Variants in MYO3A observed in about 807,000 individuals in gnomAD.
MYO3A encodes the protein myosin IIIA.
A neutral mutation model predicts 192.7 loss-of-function variants in MYO3A; 180 were observed. The ratio of observed to expected loss-of-function variants is 0.93; its 90% CI spans 0.83 to 1.06. MYO3A has a LOEUF of 1.06. Among genes scored for constraint, MYO3A ranks in the 50% least tolerant of loss-of-function variants. The pLI, the probability that MYO3A is intolerant of heterozygous loss-of-function variation, is 0.00. For missense variants in MYO3A, 1,896 were observed against 1,905.0 expected, an observed-to-expected ratio of 1.00 and a Z score of 0.09; for synonymous variants, 628 against 645.3, an observed-to-expected ratio of 0.97 and a Z score of 0.41.
At chr10:26,095,989 G>A (rs1268449113) in intron 15 of MYO3A, among the ~76,000 whole-genome samples, 1 of 152,008 alleles carries the variant, frequency 6.6e-6, no homozygotes, top group Non-Finnish European at 1.5e-5. Flanking sequence ...CTTATGGTGG[G>A]TTAATGAGAC....
At chr10:26,161,299 C>A (rs1841475294) in intron 26 of MYO3A, among the ~76,000 whole-genome samples, 1 of 152,238 alleles carries the variant, frequency 6.6e-6, no homozygotes, top group Non-Finnish European at 1.5e-5. Context: ...ATAAATTCTT[C>A]TGTTCTATAA....
At chr10:26,195,762 C>T in intron 32 of MYO3A, among the ~76,000 whole-genome samples, 1 of 152,208 alleles carries the variant, frequency 6.6e-6, no homozygotes, top group East Asian at 1.9e-4. Flanking sequence ...GCCTAGATGT[C>T]TTTTTCTTCA....
chr10:26,103,374 C>G (rs1038453178), intron 17 of MYO3A, among the ~76,000 whole-genome samples: 1 of 152,216 alleles, frequency 6.6e-6, no homozygotes, highest in African/African-American at 2.4e-5. Flanking sequence ...AGCTCACACT[C>G]CGTGGGCTGC....
chr10:26,004,508 T>C (rs1329359545), intron 6 of MYO3A, among the ~76,000 whole-genome samples: 1 of 152,056 alleles, frequency 6.6e-6, no homozygotes, highest in Non-Finnish European at 1.5e-5. Context: ...ACATATTACC[T>C]AGCTAATTCC....
chr10:26,132,406 C>T (rs1319908521), intron 20 of MYO3A, among the ~76,000 whole-genome samples: 3 of 152,160 alleles, frequency 2.0e-5, no homozygotes, highest in African/African-American at 7.2e-5. Flanking sequence ...AAAAGAAATG[C>T]TCCCTGCTCC....
rs1002309139 is a variant in MYO3A, at chr10:26,069,337, C to T, written c.1170+453C>T. Among the ~76,000 whole-genome samples, 6 of 152,088 alleles carry T rather than the reference C, an allele frequency of 3.9e-5. No homozygotes were observed. In the East Asian group the frequency reaches 5.8e-4, roughly 15 times the overall value. ...AAAATTCCTTTTGATGTATTATTGGCTTCATTAATATCACAAACATGTTTT... is the reference window on the plus strand; with the variant it reads ...AAAATTCCTTTTGATGTATTATTGGTTTCATTAATATCACAAACATGTTTT... On this transcript the variant is annotated intron_variant, in intron 12 of 34. Coordinates refer to ENST00000642920, the MANE Select transcript of MYO3A (RefSeq NM_017433.5).
chr10:25,941,356 T>C (rs1836473417), intron 2 of MYO3A, among the ~76,000 whole-genome samples: 1 of 152,168 alleles, frequency 6.6e-6, no homozygotes, highest in Admixed American at 6.5e-5. Flanking sequence ...ATATTTTGAT[T>C]TCTCCTTTCT....
At chr10:26,123,981 C>T (rs1272203179) in intron 18 of MYO3A, among the ~76,000 whole-genome samples, 3 of 151,722 alleles carry the variant, frequency 2.0e-5, no homozygotes, top group African/African-American at 7.3e-5. Flanking sequence ...CCCAGGAGTT[C>T]GAGGCCAGCC....
At chr10:26,125,704 T>C (rs1839181760) in intron 19 of MYO3A, 96 bp downstream of exon 19, 2 of 1,049,394 alleles carry the variant, frequency 1.9e-6, no homozygotes, top group Non-Finnish European at 2.9e-6. Context: ...TTCAAGATGT[T>C]TCTATAATTG....
At chr10:26,023,879 T>C in intron 8 of MYO3A, 143 bp from the exon 9 acceptor site, 5 of 771,128 alleles carry the variant, frequency 6.5e-6, no homozygotes, top group Admixed American at 1.8e-5. Context: ...AGTAATGATT[T>C]ATCTGTCTTG....
Position 26,193,597 on chromosome 10 carries a change from G to A in MYO3A, c.4545+286G>A, listed in dbSNP as rs1589112035. Among the ~76,000 whole-genome samples the A allele has an allele frequency of 2.0e-5, 3 of 152,174 alleles. No homozygotes were observed. In the South Asian group the frequency reaches 6.2e-4, roughly 32 times the overall value. On this transcript the variant is annotated intron_variant, in intron 32 of 34. Transcript: ENST00000642920. ...GAGCTGATATGAAAATATCAACTCA[G>A]AAAGAGAAACCCATCATAGCAGGAG...
intron 31 of MYO3A, 102 bp downstream of exon 31, chr10:26,176,947 G>C: frequency 7.3e-7 from 1 of 1,365,078 alleles, no homozygotes; most frequent in South Asian, 1.2e-5. Flanking sequence ...TGAGGAGCCT[G>C]TGTCCTGTCT....
chr10:26,116,160 A>G (rs1838490130), intron 17 of MYO3A, among the ~76,000 whole-genome samples: 1 of 152,164 alleles, frequency 6.6e-6, no homozygotes, highest in Non-Finnish European at 1.5e-5. Flanking sequence ...AGCTTAAACC[A>G]CAGAAGTTTA....
At chr10:26,016,252 G>A (rs1016410277) in intron 6 of MYO3A, among the ~76,000 whole-genome samples, 1 of 152,152 alleles carries the variant, frequency 6.6e-6, no homozygotes, top group Non-Finnish European at 1.5e-5. Flanking sequence ...AAGAGAACTC[G>A]TTCTGTTAAT....
At chr10:25,965,801 C>T (rs2130687878) in intron 4 of MYO3A, among the ~76,000 whole-genome samples, 1 of 152,138 alleles carries the variant, frequency 6.6e-6, no homozygotes, top group South Asian at 2.1e-4. Flanking sequence ...TGAGCTTGCC[C>T]TACTTTTCCT....
At chr10:25,940,811 A>G (rs1836441308) in intron 2 of MYO3A, among the ~76,000 whole-genome samples, 1 of 152,150 alleles carries the variant, frequency 6.6e-6, no homozygotes, top group Non-Finnish European at 1.5e-5. Context: ...CTCTGTATGT[A>G]ATAACTCTTT....
chr10:26,067,604 T>C (rs773213635), intron 11 of MYO3A, among the ~76,000 whole-genome samples: 2 of 152,176 alleles, frequency 1.3e-5, no homozygotes, highest in Non-Finnish European at 2.9e-5. Flanking sequence ...AAACCCTTGT[T>C]TCACACAGCT....
intron 10 of MYO3A, among the ~76,000 whole-genome samples, chr10:26,050,854 G>A (rs1843954429): frequency 6.6e-6 from 1 of 152,106 alleles, no homozygotes; most frequent in Non-Finnish European, 1.5e-5. Flanking sequence ...GGTAGATGTT[G>A]CTTAAAATTT....
chr10:25,982,348 C>G (rs1247989950), intron 4 of MYO3A, among the ~76,000 whole-genome samples: 1 of 152,122 alleles, frequency 6.6e-6, no homozygotes, highest in East Asian at 1.9e-4. Context: ...AAGACAAAAA[C>G]TCTTGGAAGC....
Sources: allele counts gnomAD v4.1 joint callset (sites outside exome capture counted in the v4.1 genomes callset), GRCh38; gene constraint gnomAD v4.1.1; transcripts MANE v1.5; gene names NCBI Gene and HGNC (gene_info 2026-07-23, HGNC 2026-07-21).